Variants in SLC35A3 observed in about 807,000 individuals in gnomAD.
SLC35A3 encodes the protein UDP-N-acetylglucosamine transporter.
In SLC35A3, 26 loss-of-function variants were observed where a neutral mutation model predicts 39.0. The ratio of observed to expected loss-of-function variants is 0.67; its 90% CI spans 0.49 to 0.92. The LOEUF is 0.92. Ranked by LOEUF, SLC35A3 falls within the 40% of genes least tolerant of loss-of-function variation. SLC35A3 has a pLI of 0.00. For missense variants in SLC35A3, 299 were observed against 371.6 expected (o/e 0.80, Z 1.61); for synonymous variants, 135 against 133.1 (o/e 1.01, Z -0.10).
At chr1:100,015,080 C>T (rs1240401325) in intron 5 of SLC35A3, among the ~76,000 whole-genome samples, 1 of 149,906 alleles carries the variant, frequency 6.7e-6, no homozygotes, top group South Asian at 2.1e-4. Context: ...ATTGCTTGAA[C>T]CTGGGAGGTG....
intron 1 of SLC35A3, among the ~76,000 whole-genome samples, chr1:99,982,313 T>C (rs1657505955): frequency 6.6e-6 from 1 of 152,180 alleles, no homozygotes; most frequent in African/African-American, 2.4e-5. Flanking sequence ...TATTCTATTT[T>C]TGAAAAGATG....
intron 1 of SLC35A3, among the ~76,000 whole-genome samples, chr1:99,989,399 T>G (rs1657943868): frequency 1.3e-5 from 2 of 152,168 alleles, no homozygotes; most frequent in African/African-American, 4.8e-5. Context: ...TTCTCCTGCC[T>G]CAGCCTCCTG....
At chr1:99,994,338 CTT>C (rs1658261630) in intron 2 of SLC35A3, among the ~76,000 whole-genome samples, 1 of 151,812 alleles carries the variant, frequency 6.6e-6, no homozygotes, top group Non-Finnish European at 1.5e-5. Flanking sequence ...TTTTAAATCA[CTT>C]TTATCTAAAA....
intron 7 of SLC35A3, among the ~76,000 whole-genome samples, chr1:100,021,641 G>A (rs749795622): frequency 6.6e-6 from 1 of 152,018 alleles, no homozygotes; most frequent in African/African-American, 2.4e-5. Context: ...CTGCACTCCA[G>A]AGCCTGAGGG....
chr1:100,000,956 G>A (rs1033961103), intron 3 of SLC35A3, among the ~76,000 whole-genome samples: 9 of 151,688 alleles, frequency 5.9e-5, no homozygotes, highest in Admixed American at 2.6e-4. Context: ...GTCATTTATC[G>A]AAGAGGATGT....
Position 99,999,338 on chromosome 1 carries a change from A to G in SLC35A3, c.265A>G (p.Ile89Val). ...ACCTATGGAAACACTTAAACTTGCT[A>G]TTCCATCAGGGATCTATACTCTTCA... Reference protein sequence around the residue: ...NKPMETLKLAIPSGIYTLQNN... With the variant: ...NKPMETLKLAVPSGIYTLQNN... Residue 89 changes from isoleucine to valine, a missense_variant, in exon 3 of 8, where the codon ATT becomes GTT. Coordinates refer to ENST00000533028, the MANE Select transcript of SLC35A3 (RefSeq NM_012243.3). 1 of 1,599,848 alleles carries G rather than the reference A, an allele frequency of 6.3e-7. No homozygotes were observed. The highest frequency in any genetic ancestry group is 8.5e-7 in the Non-Finnish European group (1 of 1,171,428).
At chr1:99,980,684 A>G (rs1273942176) in intron 1 of SLC35A3, among the ~76,000 whole-genome samples, 4 of 152,188 alleles carry the variant, frequency 2.6e-5, no homozygotes, top group Non-Finnish European at 4.4e-5. Context: ...AAAGAAAAGG[A>G]GAAACAATGA....
At chr1:99,993,927 T>C (rs2101135445) in intron 2 of SLC35A3, among the ~76,000 whole-genome samples, 186 bp downstream of exon 2, 1 of 152,274 alleles carries the variant, frequency 6.6e-6, no homozygotes, top group South Asian at 2.1e-4. Context: ...TGTATCATGA[T>C]TCATATCTTC....
intron 1 of SLC35A3, among the ~76,000 whole-genome samples, chr1:99,971,726 C>T (rs370527567): frequency 4.6e-5 from 7 of 152,228 alleles, no homozygotes; most frequent in African/African-American, 1.4e-4. Flanking sequence ...TGCTATATGC[C>T]TGTCAGCCTT....
rs999657299 is a variant in SLC35A3 at position 100,032,560 on chromosome 1, T to C, written c.*10084T>C. ...CACAGCAAGCTAGCTCTTGGGTTTT[T>C]TTTGAGATGGAGTTTCACTCTGTCA... On this transcript the variant is annotated 3_prime_UTR_variant, in exon 8 of 8. Transcript: ENST00000533028. 2.6e-5 allele frequency: 4 copies of C among 152,376 alleles called. No individual in the cohort carries two copies. The East Asian group carries it at 5.8e-4, about 22-fold the overall frequency. The allele number at this position is 152,376 out of a possible 1,614,324, so 9.4% of individuals were successfully genotyped here.
intron 1 of SLC35A3, among the ~76,000 whole-genome samples, chr1:99,990,403 G>T (rs776299456): frequency 1.3e-5 from 2 of 151,914 alleles, no homozygotes; most frequent in Admixed American, 6.6e-5. Flanking sequence ...GTGAAACCCC[G>T]TCTCTACTAA....
rs1658222259 is a variant in SLC35A3 at position 99,993,650 on chromosome 1, A to G, written c.96A>G (p.Glu32=). The part of the protein sequence containing the change: ...LTMRYSRTLK[E]EGPRYLSSTA... ...TGCGTTATTCCAGAACTTTAAAAGA[A>G]GAAGGACCTCGTTATCTATCTTCTA... Residue 32 remains glutamate (E), a synonymous_variant, in exon 2 of 8, where the codon GAA becomes GAG. Transcript: ENST00000533028. 1 of 1,613,964 alleles carries G rather than the reference A, an allele frequency of 6.2e-7. No homozygotes were observed.
At chr1:99,998,235 A>G (rs1658539880) in intron 2 of SLC35A3, among the ~76,000 whole-genome samples, 1 of 148,438 alleles carries the variant, frequency 6.7e-6, no homozygotes, top group Non-Finnish European at 1.5e-5. Context: ...GCTTGCTGCT[A>G]CTTCAAACTC....
rs1252739814 is a variant in SLC35A3 at position 100,017,745 on chromosome 1, G to T, written c.817G>T (p.Ala273Ser). The part of the protein sequence containing the change: ...KYADNILKGF[A>S]TSLSIILSTL... ...TGCAGATAATATTTTAAAAGGATTTGCAACCTCTTTATCGATAATATTATC... is the reference window on the plus strand; with the variant it reads ...TGCAGATAATATTTTAAAAGGATTTTCAACCTCTTTATCGATAATATTATC... Residue 273 changes from alanine to serine, a missense_variant, in exon 7 of 8, where the codon GCA becomes TCA. Physicochemically the swap from Ala to Ser is moderately conservative, Grantham distance 99 (BLOSUM62 1). Coordinates refer to ENST00000533028, the MANE Select transcript of SLC35A3 (RefSeq NM_012243.3). 2 of 1,577,330 alleles carry T rather than the reference G, an allele frequency of 1.3e-6. No homozygotes were observed. Among genetic ancestry groups the T allele is most frequent in the Non-Finnish European group, 1.7e-6 (2 of 1,161,392 alleles).
Position 100,033,467 on chromosome 1 carries a change from A to T in SLC35A3, c.*10991A>T, listed in dbSNP as rs1472496969. 2.0e-5 allele frequency: 3 copies of T among 152,092 alleles called. No homozygotes were observed. The highest frequency in any genetic ancestry group is 7.2e-5 in the African/African-American group (3 of 41,424). 9.4% of individuals were successfully genotyped at this position (152,092 alleles called of 1,614,324 possible). A position where few individuals can be genotyped will look rare whatever the true frequency, so the allele number is the denominator to read the frequency against. On this transcript the variant is annotated 3_prime_UTR_variant, in exon 8 of 8. Transcript: ENST00000533028. The stretch of plus-strand genomic sequence containing the variant: ...TTCTTAGTTTTCCAATTTATCTTTC[A>T]TGTGTTTCTTTTTAAAAAGCAAACA...
intron 7 of SLC35A3, among the ~76,000 whole-genome samples, chr1:100,020,828 G>A (rs912463501): frequency 1.3e-5 from 2 of 152,174 alleles, no homozygotes; most frequent in African/African-American, 4.8e-5. Flanking sequence ...TGTGGACAGA[G>A]GGAATAGTAT....
rs755533972 is a variant in SLC35A3 at position 100,017,766 on chromosome 1, T to C, written c.838T>C (p.Leu280=). 1 of 1,576,860 alleles carries C rather than the reference T, an allele frequency of 6.3e-7. No homozygotes were observed. The highest frequency in any genetic ancestry group is 1.2e-5 in the South Asian group (1 of 84,274). The change falls in exon 7 of 8, where the codon TTA becomes CTA. Residue 280 remains leucine (L), a synonymous_variant. Transcript: ENST00000533028. Reference sequence around the variant, plus strand: ...ATTTGCAACCTCTTTATCGATAATATTATCAACATTGATCTCCTATTTTTG... The same window carrying C: ...ATTTGCAACCTCTTTATCGATAATACTATCAACATTGATCTCCTATTTTTG... ...KGFATSLSII[L]STLISYFWLQ... is the part of the protein sequence containing the mutation.
chr1:100,017,564 C>G, intron 6 of SLC35A3, 118 bp from the exon 7 acceptor site: 1 of 589,384 alleles, frequency 1.7e-6, no homozygotes, highest in Non-Finnish European at 2.8e-6. Flanking sequence ...AAATAAATCC[C>G]TTACTATAAT....
intron 1 of SLC35A3, among the ~76,000 whole-genome samples, chr1:99,985,926 C>G (rs905547477): frequency 2.0e-5 from 3 of 152,058 alleles, no homozygotes; most frequent in Non-Finnish European, 4.4e-5. Context: ...CTTTTGTATC[C>G]TGAAACTTTG....
Sources: gnomAD v4.1 joint callset for allele counts (sites outside exome capture counted in the v4.1 genomes callset) on GRCh38, gnomAD v4.1.1 for gene constraint, MANE v1.5 for transcripts, NCBI Gene and HGNC (gene_info 2026-07-23, HGNC 2026-07-21) for gene names.